The following RUNX1 variants were observed in gnomAD, a reference collection of about 807,000 sequenced individuals.
RUNX1 encodes runt-related transcription factor 1.
Under a neutral mutation model 42.8 loss-of-function variants are expected in RUNX1, and 19 were observed. The ratio of observed to expected loss-of-function variants is 0.44; its 90% CI spans 0.31 to 0.65. RUNX1 has a LOEUF of 0.65. Among genes scored for constraint, RUNX1 ranks in the 30% least tolerant of loss-of-function variants. The pLI, the probability that RUNX1 is intolerant of heterozygous loss-of-function variation, is 0.07. For missense variants in RUNX1, 528 were observed against 672.0 expected (o/e 0.79, Z 2.37); for synonymous variants, 271 against 289.4 (o/e 0.94, Z 0.64).
At chr21:34,915,188 GA>G (rs1198503521) in intron 2 of RUNX1, among the ~76,000 whole-genome samples, 1 of 152,080 alleles carries the variant, frequency 6.6e-6, no homozygotes, top group African/African-American at 2.4e-5. Context: ...GAAAGATGTA[GA>G]AAAAGTGTTT....
chr21:34,995,593 A>G (rs974701274), intron 2 of RUNX1, among the ~76,000 whole-genome samples: 4 of 152,010 alleles, frequency 2.6e-5, no homozygotes, highest in African/African-American at 7.2e-5. Context: ...GGTGTGCGCT[A>G]CCATGCTCAG....
At chr21:34,816,805 C>G (rs1385826560) in intron 7 of RUNX1, among the ~76,000 whole-genome samples, 2 of 152,106 alleles carry the variant, frequency 1.3e-5, no homozygotes, top group African/African-American at 4.8e-5. Context: ...CAGCATTCAC[C>G]CACCTCAGTG....
At chr21:35,006,535 C>G (rs879645008) in intron 2 of RUNX1, among the ~76,000 whole-genome samples, 1 of 152,188 alleles carries the variant, frequency 6.6e-6, no homozygotes, top group Non-Finnish European at 1.5e-5. Context: ...GAGTTCCATT[C>G]TGCTGGTTGA....
intron 2 of RUNX1, among the ~76,000 whole-genome samples, chr21:35,043,005 G>C (rs550019433): frequency 1.3e-5 from 2 of 152,300 alleles, no homozygotes; most frequent in South Asian, 4.1e-4. Flanking sequence ...AGAGAGCCAA[G>C]AGAGTATAAC....
chr21:34,969,281 A>G (rs2058743027), intron 2 of RUNX1, among the ~76,000 whole-genome samples: 1 of 152,172 alleles, frequency 6.6e-6, no homozygotes, highest in East Asian at 1.9e-4. Flanking sequence ...AAATGCGCAT[A>G]GAGCAGGGAG....
At chr21:35,032,349 C>T (rs146619179) in intron 2 of RUNX1, among the ~76,000 whole-genome samples, 65 of 152,284 alleles carry the variant, frequency 4.3e-4, no homozygotes, top group Non-Finnish European at 8.2e-4. Flanking sequence ...TAGCAAACCT[C>T]TTCTGTTATC....
chr21:34,845,232 T>C (rs2057299126), intron 6 of RUNX1, among the ~76,000 whole-genome samples: 1 of 152,236 alleles, frequency 6.6e-6, no homozygotes, highest in Admixed American at 6.5e-5. Context: ...GTTCTGTTTA[T>C]TCCAAGACAC....
intron 7 of RUNX1, among the ~76,000 whole-genome samples, chr21:34,831,993 A>G (rs969001683): frequency 2.0e-5 from 3 of 152,262 alleles, no homozygotes; most frequent in Non-Finnish European, 4.4e-5. Flanking sequence ...AAATTTTACA[A>G]GTGAAGTACT....
intron 2 of RUNX1, among the ~76,000 whole-genome samples, chr21:34,959,302 C>T (rs2058667439): frequency 6.6e-6 from 1 of 152,092 alleles, no homozygotes; most frequent in South Asian, 2.1e-4. Context: ...CTGTGACTTT[C>T]CTGGGAGAAG....
chr21:35,011,204 G>A (rs1027686778), intron 2 of RUNX1, among the ~76,000 whole-genome samples: 3 of 152,148 alleles, frequency 2.0e-5, no homozygotes, highest in African/African-American at 7.2e-5. Flanking sequence ...AGCACTGCTG[G>A]TGAGTATTCT....
At chr21:34,929,081 T>A (rs1485382010) in intron 2 of RUNX1, among the ~76,000 whole-genome samples, 1 of 152,068 alleles carries the variant, frequency 6.6e-6, no homozygotes, top group Non-Finnish European at 1.5e-5. Flanking sequence ...ACTCTGTACA[T>A]CAGCCTGAAG....
intron 2 of RUNX1, among the ~76,000 whole-genome samples, chr21:35,042,928 G>A (rs1017699951): frequency 1.3e-5 from 2 of 152,102 alleles, no homozygotes; most frequent in Non-Finnish European, 2.9e-5. Context: ...CCTCCACCTT[G>A]GCTCCTTTCT....
intron 2 of RUNX1, among the ~76,000 whole-genome samples, chr21:34,991,786 A>C (rs11088301): frequency 0.25 from 37,393 of 152,122 alleles, 6,714 homozygotes; most frequent in African/African-American, 0.5. Flanking sequence ...AGCGTTTTTG[A>C]AGAAGTAACT....
intron 2 of RUNX1, among the ~76,000 whole-genome samples, chr21:34,966,006 C>A (rs1025791307): frequency 1.3e-5 from 2 of 152,200 alleles, no homozygotes; most frequent in African/African-American, 4.8e-5. Flanking sequence ...ATGGAGCAGT[C>A]CCCTCCTGTG....
At chr21:34,803,563 T>TAA (rs1056570047) in intron 7 of RUNX1, among the ~76,000 whole-genome samples, 3 of 150,344 alleles carry the variant, frequency 2.0e-5, no homozygotes, top group African/African-American at 7.5e-5. Flanking sequence ...AAAAAAATAA[T>TAA]AATAAATAAA....
At chr21:34,852,686 T>C (rs2032097) in intron 6 of RUNX1, among the ~76,000 whole-genome samples, 45,989 of 152,054 alleles carry the variant, frequency 0.3, 7,485 homozygotes, top group African/African-American at 0.39. Flanking sequence ...TTCCTCCTCT[T>C]TGAGCCTCTG....
intron 6 of RUNX1, among the ~76,000 whole-genome samples, chr21:34,847,836 T>C (rs1043898275): frequency 6.6e-6 from 1 of 152,214 alleles, no homozygotes; most frequent in African/African-American, 2.4e-5. Context: ...GATGCAGTAA[T>C]TGGAATTAAT....
intron 5 of RUNX1, among the ~76,000 whole-genome samples, chr21:34,869,223 C>T (rs1194544835): frequency 6.6e-6 from 1 of 152,198 alleles, no homozygotes; most frequent in African/African-American, 2.4e-5. Context: ...GGAAGAACAT[C>T]ATCAAGAGGG....
chr21:34,963,718 G>A (rs994129043), intron 2 of RUNX1, among the ~76,000 whole-genome samples: 4 of 152,156 alleles, frequency 2.6e-5, no homozygotes, highest in Non-Finnish European at 5.9e-5. Flanking sequence ...ACAAGATGTG[G>A]ATTTTGACGG....
Sources: allele counts gnomAD v4.1 joint callset (sites outside exome capture counted in the v4.1 genomes callset), GRCh38; gene constraint gnomAD v4.1.1; transcripts MANE v1.5; gene names NCBI Gene and HGNC (gene_info 2026-07-23, HGNC 2026-07-21).